Variants in DPP6 observed in about 807,000 individuals in gnomAD.
DPP6 encodes dipeptidyl peptidase like 6, also known as A-type potassium channel modulatory protein DPP6.
DPP6 carries 69 observed loss-of-function variants against 122.6 expected under a neutral mutation model. The observed-to-expected ratio is 0.56, with a 90% confidence interval of 0.46 to 0.69. The LOEUF (loss-of-function observed/expected upper bound fraction) is 0.69, where lower values mean the gene tolerates loss of function less well. Among genes scored for constraint, DPP6 ranks in the 30% least tolerant of loss-of-function variants. The probability of loss-of-function intolerance (pLI) is 0.00; values close to 1 mark genes in which losing one functional copy is unlikely to be tolerated. For synonymous variants in DPP6, 418 were observed against 433.1 expected, an observed-to-expected ratio of 0.97 and a Z score of 0.43; for missense variants, 928 against 1,116.9, an observed-to-expected ratio of 0.83 and a Z score of 2.41.
At chr7:154,376,509 T>C (rs1397627027) in intron 1 of DPP6, among the ~76,000 whole-genome samples, 1 of 152,234 alleles carries the variant, frequency 6.6e-6, no homozygotes, top group African/African-American at 2.4e-5. Flanking sequence ...CTAAGTCTTA[T>C]GAGATTTGAA....
intron 1 of DPP6, among the ~76,000 whole-genome samples, chr7:154,345,208 A>G (rs1230758481): frequency 6.6e-6 from 1 of 151,984 alleles, no homozygotes; most frequent in Non-Finnish European, 1.5e-5. Context: ...GCAGGAGGGG[A>G]GAGAGAGTGG....
At chr7:154,465,670 G>A (rs528167949) in intron 2 of DPP6, among the ~76,000 whole-genome samples, 5 of 152,270 alleles carry the variant, frequency 3.3e-5, no homozygotes, top group African/African-American at 9.6e-5. Flanking sequence ...CTATCTCACT[G>A]CAGTTAGAAT....
At chr7:154,714,527 A>G (rs193255269) in intron 7 of DPP6, among the ~76,000 whole-genome samples, 86 of 152,312 alleles carry the variant, frequency 5.6e-4, no homozygotes, top group African/African-American at 2.0e-3. Flanking sequence ...GCAGCAGGAG[A>G]GGGAATGAGT....
At chr7:154,857,089 C>A (rs191389626) in intron 17 of DPP6, among the ~76,000 whole-genome samples, 32 of 152,304 alleles carry the variant, frequency 2.1e-4, no homozygotes, top group African/African-American at 7.7e-4. Context: ...AATATTTCAT[C>A]CCGCCCTAGC....
At chr7:154,657,091 G>A (rs1237372093) in intron 6 of DPP6, among the ~76,000 whole-genome samples, 1 of 36,710 alleles carries the variant, frequency 2.7e-5, no homozygotes, top group South Asian at 2.6e-3. Context: ...GTGCTCATGG[G>A]TGGGTGGAGA....
intron 1 of DPP6, among the ~76,000 whole-genome samples, chr7:154,133,839 G>A (rs1199159415): frequency 6.7e-6 from 1 of 149,374 alleles, no homozygotes; most frequent in Non-Finnish European, 1.5e-5. Flanking sequence ...TCCCAGGGAG[G>A]CAGAGAGGCC....
intron 10 of DPP6, among the ~76,000 whole-genome samples, chr7:154,792,823 C>T (rs1797768077): frequency 1.3e-5 from 2 of 152,242 alleles, no homozygotes; most frequent in Non-Finnish European, 2.9e-5. Flanking sequence ...CACCCCAGTC[C>T]TCAGGAACTC....
intron 1 of DPP6, among the ~76,000 whole-genome samples, chr7:154,114,378 C>T (rs1012370421): frequency 2.1e-4 from 32 of 152,148 alleles, no homozygotes; most frequent in African/African-American, 7.7e-4. Context: ...GTCTATACCA[C>T]AGGGATAATA....
chr7:154,105,192 C>A (rs553294370), intron 1 of DPP6, among the ~76,000 whole-genome samples: 37 of 152,358 alleles, frequency 2.4e-4, no homozygotes, highest in African/African-American at 8.7e-4. Flanking sequence ...GACACGTAAT[C>A]TAAGATGTCA....
intron 1 of DPP6, among the ~76,000 whole-genome samples, chr7:154,147,389 A>T (rs1262635046): frequency 6.6e-6 from 1 of 152,160 alleles, no homozygotes; most frequent in Non-Finnish European, 1.5e-5. Flanking sequence ...CAAACTGTTC[A>T]TTGTTAACCA....
chr7:153,991,739 T>C (rs1452761601), intron 1 of DPP6, among the ~76,000 whole-genome samples: 2 of 152,080 alleles, frequency 1.3e-5, no homozygotes, highest in African/African-American at 4.8e-5. Flanking sequence ...ATGTGCTGAG[T>C]CCACACACTG....
chr7:153,801,866 A>T, the DPP6 span, among the ~76,000 whole-genome samples: 1 of 152,012 alleles, frequency 6.6e-6, no homozygotes, highest in Admixed American at 6.6e-5. Flanking sequence ...CTTCTCCAAT[A>T]CTGATTTCTC....
At chr7:154,393,932 A>G (rs1814848344) in intron 1 of DPP6, among the ~76,000 whole-genome samples, 1 of 152,124 alleles carries the variant, frequency 6.6e-6, no homozygotes, top group South Asian at 2.1e-4. Flanking sequence ...GTTTCACTTA[A>G]TATAAGTCCT....
intron 1 of DPP6, among the ~76,000 whole-genome samples, chr7:154,351,144 C>T (rs958696129): frequency 3.3e-5 from 5 of 152,234 alleles, no homozygotes; most frequent in Admixed American, 2.0e-4. Flanking sequence ...AAAGGACAAG[C>T]TGGTTAATGC....
At chr7:154,860,682 C>T (rs1257148115) in intron 17 of DPP6, among the ~76,000 whole-genome samples, 1 of 152,218 alleles carries the variant, frequency 6.6e-6, no homozygotes, top group Non-Finnish European at 1.5e-5. Flanking sequence ...TTGTCCAGTC[C>T]TAACAAAGAA....
the DPP6 span, among the ~76,000 whole-genome samples, chr7:153,850,358 T>C: frequency 6.6e-6 from 1 of 152,156 alleles, no homozygotes; most frequent in Non-Finnish European, 1.5e-5. Context: ...TTCTTTCCCA[T>C]GTGGGCTCTC....
intron 1 of DPP6, among the ~76,000 whole-genome samples, chr7:154,289,143 G>T (rs1041600323): frequency 6.6e-6 from 1 of 152,154 alleles, no homozygotes; most frequent in Non-Finnish European, 1.5e-5. Context: ...GGGGGATGCT[G>T]GTGAAGGTAA....
intron 1 of DPP6, among the ~76,000 whole-genome samples, chr7:153,934,927 G>C (rs1563023554): frequency 6.6e-6 from 1 of 151,800 alleles, no homozygotes. Flanking sequence ...GTGCCAGCAC[G>C]TTTGGATGGA....
chr7:154,264,458 ACT>A (rs920475881), intron 1 of DPP6, among the ~76,000 whole-genome samples: 1 of 151,952 alleles, frequency 6.6e-6, no homozygotes, highest in Non-Finnish European at 1.5e-5. Context: ...TTGGACAATT[ACT>A]CTCTCTTAAG....
Sources: gnomAD v4.1 joint callset for allele counts (sites outside exome capture counted in the v4.1 genomes callset) on GRCh38, gnomAD v4.1.1 for gene constraint, MANE v1.5 for transcripts, NCBI Gene and HGNC (gene_info 2026-07-23, HGNC 2026-07-21) for gene names.